The following NELL1 variants were observed in gnomAD, a reference collection of about 807,000 sequenced individuals.
The protein encoded by NELL1 is protein kinase C-binding protein NELL1.
NELL1 carries 76 observed loss-of-function variants against 107.4 expected under a neutral mutation model. The observed-to-expected ratio is 0.71, with a 90% confidence interval of 0.59 to 0.86. The LOEUF is 0.86. Ranked by LOEUF, NELL1 falls within the 40% of genes least tolerant of loss-of-function variation. NELL1 has a pLI of 0.00. For synonymous variants in NELL1, 353 were observed against 341.2 expected (o/e 1.03, Z -0.38); for missense variants, 1,024 against 1,005.5 (o/e 1.02, Z -0.25).
intron 6 of NELL1, among the ~76,000 whole-genome samples, chr11:20,918,583 A>G (rs1850309505): frequency 6.6e-6 from 1 of 152,162 alleles, no homozygotes; most frequent in African/African-American, 2.4e-5. Context: ...GAGCAAAGTC[A>G]CATCTTACAT....
chr11:21,343,132 AATTTGACTATATT>A (rs1850611845), intron 14 of NELL1, among the ~76,000 whole-genome samples: 1 of 151,976 alleles, frequency 6.6e-6, no homozygotes, highest in African/African-American at 2.4e-5. Flanking sequence ...TCAAAATATA[AATTTGACTATATT>A]ATTCCTTTGT....
At chr11:20,996,460 G>A (rs1007091018) in intron 12 of NELL1, among the ~76,000 whole-genome samples, 25 of 152,060 alleles carry the variant, frequency 1.6e-4, no homozygotes, top group African/African-American at 5.8e-4. Context: ...CTGTCACTGG[G>A]GCTACTGATT....
chr11:20,938,098 G>C (rs997904620), intron 10 of NELL1, among the ~76,000 whole-genome samples: 1 of 152,148 alleles, frequency 6.6e-6, no homozygotes, highest in African/African-American at 2.4e-5. Flanking sequence ...AAGGATGTGA[G>C]AGGAGAAAGA....
At position 21,373,133 on chromosome 11, in the gene NELL1, T is replaced by A. The variant is rs551337503; in HGVS notation, c.1645+2185T>A. Among the ~76,000 whole-genome samples the A allele has an allele frequency of 7.8e-4, 118 of 152,252 alleles. 2 individuals carry two copies. The highest frequency in any genetic ancestry group is 6.8e-4 in the Non-Finnish European group (46 of 68,008). On this transcript the variant is annotated intron_variant, in intron 15 of 19. Coordinates refer to ENST00000357134, the MANE Select transcript of NELL1 (RefSeq NM_006157.5). The stretch of plus-strand genomic sequence containing the variant: ...TCTGCATTTAATGCTATACTTCATC[T>A]GTAGCAAAGTCATTCCACTTAATAT...
At chr11:21,415,794 A>G (rs1852505617) in intron 15 of NELL1, among the ~76,000 whole-genome samples, 1 of 152,074 alleles carries the variant, frequency 6.6e-6, no homozygotes. Context: ...CACTGGTGCT[A>G]GAAAGCAGAA....
chr11:20,762,775 C>T (rs1856450212), intron 2 of NELL1, among the ~76,000 whole-genome samples: 1 of 147,724 alleles, frequency 6.8e-6, no homozygotes, highest in Non-Finnish European at 1.5e-5. Flanking sequence ...TATTGCTTTC[C>T]TGTTTTTTAC....
intron 9 of NELL1, among the ~76,000 whole-genome samples, chr11:20,929,852 A>G (rs1255892384): frequency 2.0e-5 from 3 of 151,970 alleles, no homozygotes; most frequent in Non-Finnish European, 4.4e-5. Flanking sequence ...GGCACCTGTA[A>G]TTCCAGCTAT....
chr11:21,328,028 T>A (rs1338268761), intron 14 of NELL1, among the ~76,000 whole-genome samples: 2 of 152,144 alleles, frequency 1.3e-5, no homozygotes, highest in Non-Finnish European at 2.9e-5. Flanking sequence ...AACCCTATTT[T>A]CTGTGGAGAA....
chr11:21,503,666 C>T (rs1412196344), intron 15 of NELL1, among the ~76,000 whole-genome samples: 1 of 152,164 alleles, frequency 6.6e-6, no homozygotes. Context: ...ATTTACATTG[C>T]TTCCCAGTTT....
chr11:20,808,204 G>A (rs759920034), intron 3 of NELL1, among the ~76,000 whole-genome samples: 8 of 152,104 alleles, frequency 5.3e-5, no homozygotes, highest in African/African-American at 1.4e-4. Flanking sequence ...TCCAGGGTCC[G>A]TGGGCTCTTT....
intron 12 of NELL1, among the ~76,000 whole-genome samples, chr11:21,031,133 A>C (rs1231728338): frequency 6.6e-6 from 1 of 152,212 alleles, no homozygotes; most frequent in African/African-American, 2.4e-5. Flanking sequence ...GCTATTTCAT[A>C]TTCTTTTAGA....
At chr11:21,066,061 G>A (rs1050151407) in intron 12 of NELL1, among the ~76,000 whole-genome samples, 4 of 152,112 alleles carry the variant, frequency 2.6e-5, no homozygotes, top group Admixed American at 6.5e-5. Context: ...AAATGAATAC[G>A]GTTCATCAGA....
In NELL1 at chr11:21,072,931, C is replaced by T. The variant is rs184344433; in HGVS notation, c.1301-40658C>T. On this transcript the variant is annotated intron_variant, in intron 12 of 19. Coordinates refer to ENST00000357134, the MANE Select transcript of NELL1 (RefSeq NM_006157.5). ...ATTAACATGTGTTCTGCTTCCTGCT[C>T]GAACACACAACACGCAGAAATGTGT... is the stretch of plus-strand genomic sequence containing the variant. Among the ~76,000 whole-genome samples the T allele has an allele frequency of 1.1e-4, 17 of 152,272 alleles. No homozygotes were observed. In the East Asian group the frequency reaches 2.1e-3, roughly 19 times the overall value.
chr11:21,019,502 A>G (rs925885317), intron 12 of NELL1, among the ~76,000 whole-genome samples: 1 of 152,056 alleles, frequency 6.6e-6, no homozygotes, highest in Non-Finnish European at 1.5e-5. Context: ...GGCTATGTGT[A>G]TCTTATTGGT....
intron 13 of NELL1, among the ~76,000 whole-genome samples, chr11:21,162,091 T>C (rs1265341646): frequency 1.3e-5 from 2 of 151,498 alleles, no homozygotes; most frequent in African/African-American, 4.8e-5. Flanking sequence ...GCTAGAACTA[T>C]AGGCATGAGC....
At chr11:20,696,566 G>A (rs1483679293) in intron 2 of NELL1, among the ~76,000 whole-genome samples, 2 of 152,102 alleles carry the variant, frequency 1.3e-5, no homozygotes, top group East Asian at 1.9e-4. Context: ...CTATCTAGAA[G>A]AGGGAAAGCC....
chr11:21,490,921 C>G (rs2133915901), intron 15 of NELL1, among the ~76,000 whole-genome samples: 1 of 152,154 alleles, frequency 6.6e-6, no homozygotes, highest in South Asian at 2.1e-4. Flanking sequence ...CGCAACAGCA[C>G]AGACAACTAT....
intron 13 of NELL1, among the ~76,000 whole-genome samples, chr11:21,206,265 G>A (rs534792000): frequency 2.0e-5 from 3 of 152,140 alleles, no homozygotes; most frequent in South Asian, 2.1e-4. Flanking sequence ...TGGTAGCATC[G>A]GTCCAATCTC....
chr11:20,920,062 A>T (rs981793481), intron 7 of NELL1, among the ~76,000 whole-genome samples: 2 of 152,144 alleles, frequency 1.3e-5, no homozygotes, highest in African/African-American at 2.4e-5. Context: ...ATATTCATAA[A>T]GTGTATATTC....
Sources: gnomAD v4.1 joint callset for allele counts (sites outside exome capture counted in the v4.1 genomes callset) on GRCh38, gnomAD v4.1.1 for gene constraint, MANE v1.5 for transcripts, NCBI Gene and HGNC (gene_info 2026-07-23, HGNC 2026-07-21) for gene names.